The following FHIT variants were observed in gnomAD, a reference collection of about 807,000 sequenced individuals.
The protein encoded by FHIT is fragile histidine triad diadenosine triphosphatase, also known as bis(5'-adenosyl)-triphosphatase.
In FHIT, 19 loss-of-function variants were observed where a neutral mutation model predicts 17.9. The observed-to-expected ratio is 1.06, with a 90% CI of 0.74 to 1.56. The LOEUF is 1.56. FHIT is among the 40% of genes most tolerant of loss of function. FHIT has a pLI of 0.00. For missense variants in FHIT, 248 were observed against 189.2 expected (o/e 1.31, Z -1.82); for synonymous variants, 81 against 69.7 (o/e 1.16, Z -0.81).
chr3:60,394,131 C>G (rs17062963), intron 5 of FHIT, among the ~76,000 whole-genome samples: 36,663 of 151,978 alleles, frequency 0.24, 4,746 homozygotes, highest in East Asian at 0.47. Context: ...GAGTAAAACA[C>G]TGAATGTACT....
chr3:60,184,490 T>A (rs1702079267), intron 5 of FHIT, among the ~76,000 whole-genome samples: 1 of 152,186 alleles, frequency 6.6e-6, no homozygotes, highest in African/African-American at 2.4e-5. Context: ...GATTGCACTA[T>A]GTCTATGGTT....
At chr3:60,915,637 G>A (rs1412624586) in intron 3 of FHIT, among the ~76,000 whole-genome samples, 1 of 151,958 alleles carries the variant, frequency 6.6e-6, no homozygotes, top group African/African-American at 2.4e-5. Flanking sequence ...AAGAAGGGGA[G>A]TCACCACCTC....
At chr3:60,955,633 T>TATATATAC (rs1272864632) in intron 3 of FHIT, among the ~76,000 whole-genome samples, 158 of 39,394 alleles carry the variant, frequency 4.0e-3, no homozygotes, top group African/African-American at 0.011. Context: ...TATATATATA[T>TATATATAC]ACACACACAC....
intron 8 of FHIT, among the ~76,000 whole-genome samples, chr3:59,912,044 T>A (rs1484485707): frequency 6.6e-6 from 1 of 152,230 alleles, no homozygotes; most frequent in Non-Finnish European, 1.5e-5. Context: ...ACTCTCTCTG[T>A]GTCCTCAGAA....
chr3:61,028,590 CTG>C (rs2032855058), intron 3 of FHIT, among the ~76,000 whole-genome samples: 1 of 152,198 alleles, frequency 6.6e-6, no homozygotes, highest in East Asian at 1.9e-4. Flanking sequence ...CTTTCACTAA[CTG>C]TGTGAACACG....
At chr3:60,107,877 G>A (rs1460394647) in intron 5 of FHIT, among the ~76,000 whole-genome samples, 1 of 152,162 alleles carries the variant, frequency 6.6e-6, no homozygotes, top group African/African-American at 2.4e-5. Flanking sequence ...ATAAATACAG[G>A]AAAGAATAGT....
At chr3:60,539,129 A>T (rs2036092196) in intron 4 of FHIT, among the ~76,000 whole-genome samples, 1 of 152,240 alleles carries the variant, frequency 6.6e-6, no homozygotes. Context: ...CAAGTGGGCG[A>T]AAGATATGAA....
At chr3:60,039,953 C>T (rs1338478576) in intron 5 of FHIT, among the ~76,000 whole-genome samples, 4 of 152,088 alleles carry the variant, frequency 2.6e-5, no homozygotes, top group African/African-American at 4.8e-5. Flanking sequence ...TTAATTCAGT[C>T]ATAAAATATT....
At chr3:60,685,031 G>T (rs1196267984) in intron 4 of FHIT, among the ~76,000 whole-genome samples, 2 of 152,152 alleles carry the variant, frequency 1.3e-5, no homozygotes, top group African/African-American at 4.8e-5. Flanking sequence ...AAGACGAGAA[G>T]TTGATGCTGA....
At chr3:60,218,262 C>A (rs1460015111) in intron 5 of FHIT, among the ~76,000 whole-genome samples, 1 of 151,908 alleles carries the variant, frequency 6.6e-6, no homozygotes, top group African/African-American at 2.4e-5. Context: ...CATTTTAAAT[C>A]CTTTAGGAAT....
At chr3:60,272,406 C>G (rs1706905084) in intron 5 of FHIT, among the ~76,000 whole-genome samples, 1 of 152,092 alleles carries the variant, frequency 6.6e-6, no homozygotes, top group African/African-American at 2.4e-5. Flanking sequence ...AGATAGAGAC[C>G]AGATTATAGT....
intron 4 of FHIT, among the ~76,000 whole-genome samples, chr3:60,703,236 G>A (rs2041289602): frequency 6.6e-6 from 1 of 152,156 alleles, no homozygotes; most frequent in South Asian, 2.1e-4. Context: ...GCTACTAAAA[G>A]GTAGGAAAAG....
chr3:60,652,356 T>C (rs1311962033), intron 4 of FHIT, among the ~76,000 whole-genome samples: 1 of 152,144 alleles, frequency 6.6e-6, no homozygotes, highest in Non-Finnish European at 1.5e-5. Context: ...ATCCCAGCAC[T>C]TTGGGAGGCC....
intron 8 of FHIT, among the ~76,000 whole-genome samples, chr3:59,825,994 C>T (rs1198344634): frequency 6.6e-6 from 1 of 152,208 alleles, no homozygotes; most frequent in African/African-American, 2.4e-5. Context: ...ATATTGACAG[C>T]TGAAACTCAC....
At chr3:60,451,628 A>G (rs1252429568) in intron 5 of FHIT, among the ~76,000 whole-genome samples, 1 of 152,170 alleles carries the variant, frequency 6.6e-6, no homozygotes, top group Non-Finnish European at 1.5e-5. Flanking sequence ...CACAATCCCA[A>G]GAAAGAATAT....
At chr3:61,116,859 TAG>T (rs2036313854) in intron 2 of FHIT, among the ~76,000 whole-genome samples, 1 of 151,952 alleles carries the variant, frequency 6.6e-6, no homozygotes, top group South Asian at 2.1e-4. Context: ...GCTTCAAAAA[TAG>T]AAAAAAAGCT....
At chr3:60,764,085 C>T (rs1010790188) in intron 4 of FHIT, among the ~76,000 whole-genome samples, 1 of 152,066 alleles carries the variant, frequency 6.6e-6, no homozygotes, top group Non-Finnish European at 1.5e-5. Context: ...ATTAGTGGTA[C>T]GACGGGGATT....
At chr3:60,308,615 T>A (rs1438828560) in intron 5 of FHIT, among the ~76,000 whole-genome samples, 1 of 151,838 alleles carries the variant, frequency 6.6e-6, no homozygotes, top group East Asian at 1.9e-4. Flanking sequence ...TCTTGATGTG[T>A]TCATTTTATA....
At chr3:60,732,684 C>CTTTTTTTCT (rs2042055898) in intron 4 of FHIT, 1 of 166,694 alleles carries the variant, frequency 6.0e-6, no homozygotes. Flanking sequence ...GCAAAGACTG[C>CTTTTTTTCT]TTTTTTTTTT....
Sources: allele counts gnomAD v4.1 joint callset (sites outside exome capture counted in the v4.1 genomes callset), GRCh38; gene constraint gnomAD v4.1.1; transcripts MANE v1.5; gene names NCBI Gene and HGNC (gene_info 2026-07-23, HGNC 2026-07-21).